The following VPS13C variants were observed in gnomAD, a reference collection of about 807,000 sequenced individuals.
VPS13C encodes the protein intermembrane lipid transfer protein VPS13C.
Under a neutral mutation model 456.8 loss-of-function variants are expected in VPS13C, and 358 were observed. That is an observed-to-expected ratio of 0.78 (90% CI 0.72 to 0.86). The LOEUF (loss-of-function observed/expected upper bound fraction) is 0.86, where lower values mean the gene tolerates loss of function less well. Among genes scored for constraint, VPS13C ranks in the 40% least tolerant of loss-of-function variants. The pLI, the probability that VPS13C is intolerant of heterozygous loss-of-function variation, is 0.00. For synonymous variants in VPS13C, 1,578 were observed against 1,486.7 expected (o/e 1.06, Z -1.41); for missense variants, 4,818 against 4,385.4 (o/e 1.10, Z -2.79).
chr15:62,047,659 G>A (rs2048461634), intron 1 of VPS13C, among the ~76,000 whole-genome samples: 2 of 152,166 alleles, frequency 1.3e-5, no homozygotes, highest in Admixed American at 6.5e-5. Context: ...TGGCACCAGT[G>A]TAAAGAGGTA....
chr15:62,007,200 G>T, intron 15 of VPS13C, 108 bp downstream of exon 15: 1 of 914,132 alleles, frequency 1.1e-6, no homozygotes, highest in Non-Finnish European at 1.5e-6. Context: ...TCAAAAAGAG[G>T]TGAATTCTGT....
At chr15:61,961,297 CAGG>C in intron 35 of VPS13C, among the ~76,000 whole-genome samples, 1 of 151,548 alleles carries the variant, frequency 6.6e-6, no homozygotes, top group South Asian at 2.1e-4. Context: ...GAGGCTGAGG[CAGG>C]AGGATTGCTT....
chr15:61,996,998 C>CATACATATATATAT (rs1555437505), intron 16 of VPS13C, among the ~76,000 whole-genome samples: 8 of 145,538 alleles, frequency 5.5e-5, no homozygotes, highest in African/African-American at 2.1e-4. Flanking sequence ...TACATACATA[C>CATACATATATATAT]ATATATATAT....
intron 68 of VPS13C, 67 bp from the exon 69 acceptor site, chr15:61,882,803 T>C: frequency 1.4e-6 from 2 of 1,431,134 alleles, no homozygotes; most frequent in Non-Finnish European, 1.8e-6. Context: ...ATTTTTAATA[T>C]CTGTTTATTG....
intron 27 of VPS13C, 53 bp from the exon 28 acceptor site, chr15:61,969,505 AAAT>A (rs2045481873): frequency 7.8e-7 from 1 of 1,287,444 alleles, no homozygotes; most frequent in South Asian, 1.9e-5. Context: ...ATCATACTTA[AAAT>A]AATGAAAACA....
chr15:61,891,196 G>C (rs750587528), intron 66 of VPS13C, among the ~76,000 whole-genome samples: 1 of 152,210 alleles, frequency 6.6e-6, no homozygotes, highest in Non-Finnish European at 1.5e-5. Context: ...GATTTGGTCA[G>C]TGTTTTCAGA....
chr15:62,041,728 G>C (rs1229894573), intron 2 of VPS13C, among the ~76,000 whole-genome samples: 1 of 152,044 alleles, frequency 6.6e-6, no homozygotes, highest in African/African-American at 2.4e-5. Flanking sequence ...GCTGAGGCAG[G>C]AGAATCGCCT....
At position 61,931,125 on chromosome 15, in the gene VPS13C, A is replaced by G. The variant is rs1453276268; in HGVS notation, c.6003T>C (p.Asp2001=). Residue 2001 remains aspartate, a synonymous_variant, in exon 50 of 85, where the codon GAT becomes GAC. Transcript: ENST00000644861. ...CTCTCTCAATTCCTTCTCTGAGATC[A>G]TCAAGGGTGCATGTCTTAAGTTTAA... ...VSVKLKTCTL[D]DLREGIERAT... 7 of 1,614,020 alleles carry G rather than the reference A, an allele frequency of 4.3e-6. No homozygotes were observed. The highest frequency in any genetic ancestry group is 5.9e-6 in the Non-Finnish European group (7 of 1,180,030).
In VPS13C at chr15:61,880,625, T is replaced by C. The variant is rs201494120; in HGVS notation, c.9986A>G (p.His3329Arg). The change falls in exon 73 of 85, where the codon CAT becomes CGT. Residue 3329 changes from histidine (H) to arginine (R), a missense_variant. Transcript: ENST00000644861. ...MSILSFFEHF[H>R]ISPVKLHLSL... is the part of the protein sequence containing the mutation. Reference sequence around the variant, plus strand: ...ACAACAAACCTTCACAGGAGAAATATGGAAATGTTCAAAGAAACTAAGAAT... The same window carrying C: ...ACAACAAACCTTCACAGGAGAAATACGGAAATGTTCAAAGAAACTAAGAAT... 7 of 1,575,896 alleles carry C rather than the reference T, an allele frequency of 4.4e-6. No individual in the cohort carries two copies. The highest frequency in any genetic ancestry group is 4.5e-5 in the East Asian group (2 of 44,144).
intron 9 of VPS13C, among the ~76,000 whole-genome samples, chr15:62,015,189 C>T (rs1371997319): frequency 2.0e-5 from 3 of 152,128 alleles, no homozygotes; most frequent in African/African-American, 2.4e-5. Context: ...TCCTTTAGAA[C>T]ACAGATTCTA....
chr15:62,056,502 C>A (rs1199951471), intron 1 of VPS13C, among the ~76,000 whole-genome samples: 4 of 152,118 alleles, frequency 2.6e-5, no homozygotes. Flanking sequence ...CGTTGCCGAG[C>A]GGAAGGTGGT....
At chr15:61,856,687 C>CTTTTTTTTTTT (rs542779595) in intron 82 of VPS13C, 292 of 114,744 alleles carry the variant, frequency 2.5e-3, no homozygotes, top group Non-Finnish European at 3.0e-3. Flanking sequence ...TTTTTCTTTT[C>CTTTTTTTTTTT]TTTTTTTTTT....
At position 61,959,467 on chromosome 15, in the gene VPS13C, C is replaced by T. The variant is rs1211126048; in HGVS notation, c.4037G>A (p.Gly1346Glu). ...ACTTACATTCATTGAATCAAGATGT[C>T]CTTTAATTTCCACAACAGGCACCTT... The part of the protein sequence containing the change: ...YHKVPVVEIK[G>E]HLDSMNVSLN... Residue 1346 changes from glycine to glutamate, a missense_variant, in exon 36 of 85, where the codon GGA (glycine) becomes GAA (glutamate). This residue lies in a region of VPS13C where 4,552 missense variants were observed against 4,130.6 expected (regional missense o/e 1.10). Coordinates refer to ENST00000644861, the MANE Select transcript of VPS13C (RefSeq NM_020821.3). 3.7e-6 allele frequency: 6 copies of T among 1,611,288 alleles called. No individual in the cohort carries two copies. The East Asian group carries it at 1.1e-4, about 30-fold the overall frequency.
chr15:61,876,950 G>T, intron 75 of VPS13C, 23 bp downstream of exon 75: 1 of 1,545,810 alleles, frequency 6.5e-7, no homozygotes, highest in Non-Finnish European at 8.9e-7. Flanking sequence ...TATTCCTTAT[G>T]AAATACTATG....
At chr15:61,969,532 T>C in intron 27 of VPS13C, 80 bp from the exon 28 acceptor site, 1 of 946,916 alleles carries the variant, frequency 1.1e-6, no homozygotes, top group Admixed American at 3.5e-5. Context: ...TCTTTCTCCA[T>C]ACACATCACC....
At chr15:62,017,474 G>C (rs2047298444) in intron 9 of VPS13C, among the ~76,000 whole-genome samples, 1 of 152,156 alleles carries the variant, frequency 6.6e-6, no homozygotes, top group African/African-American at 2.4e-5. Flanking sequence ...AAGGTGTAAG[G>C]AAGGGATCCA....
intron 16 of VPS13C, among the ~76,000 whole-genome samples, chr15:61,998,632 G>C (rs1489079655): frequency 2.0e-5 from 3 of 152,178 alleles, no homozygotes; most frequent in East Asian, 1.9e-4. Flanking sequence ...AGATGGCAAA[G>C]CTGGGATCAG....
At chr15:62,011,672 C>G (rs1179478141) in intron 12 of VPS13C, among the ~76,000 whole-genome samples, 1 of 151,578 alleles carries the variant, frequency 6.6e-6, no homozygotes, top group Non-Finnish European at 1.5e-5. Context: ...GTGAGGCTGC[C>G]AAGAAATAGA....
Position 61,867,073 on chromosome 15 carries a change from A to G in VPS13C, c.10863+1586T>C. On this transcript the variant is annotated intron_variant, in intron 81 of 84. Coordinates refer to ENST00000644861, the MANE Select transcript of VPS13C (RefSeq NM_020821.3). The surrounding 1 kb of genome is among the most constrained non-coding windows in gnomAD (Gnocchi z 5.0). ...ATTATAATTATTTTTTCTCTAAGAT[A>G]ATAAACCCTCTCTAAGGATTTAAAA... is the stretch of plus-strand genomic sequence containing the variant. 1.1e-6 allele frequency: 1 copy of G among 928,160 alleles called. No homozygotes were observed. The highest frequency in any genetic ancestry group is 5.0e-5 in the South Asian group (1 of 20,154). The allele number at this position is 928,160 out of a possible 1,614,324, so 57.5% of individuals were successfully genotyped here.
Sources: gnomAD v4.1 joint callset for allele counts (sites outside exome capture counted in the v4.1 genomes callset) on GRCh38, gnomAD v4.1.1 for gene constraint, gnomAD v4.1.1 regional missense constraint, Gnocchi (gnomAD v3.1) non-coding constraint, MANE v1.5 for transcripts, NCBI Gene and HGNC (gene_info 2026-07-23, HGNC 2026-07-21) for gene names.